Variants in FMN1 observed in about 807,000 individuals in gnomAD.
FMN1 encodes the protein formin 1.
In FMN1, 110 loss-of-function variants were observed where a neutral mutation model predicts 132.4. That is an observed-to-expected ratio of 0.83 (90% CI 0.71 to 0.97). FMN1 has a LOEUF of 0.97. Ranked by LOEUF, FMN1 falls within the 50% of genes least tolerant of loss-of-function variation. FMN1 has a pLI of 0.00. For missense variants in FMN1, 1,792 were observed against 1,705.3 expected (o/e 1.05, Z -0.90); for synonymous variants, 722 against 651.7 (o/e 1.11, Z -1.64).
chr15:33,115,680 T>C (rs2140147077), intron 4 of FMN1, among the ~76,000 whole-genome samples: 1 of 152,220 alleles, frequency 6.6e-6, no homozygotes, highest in South Asian at 2.1e-4. Flanking sequence ...AATTCTTGCC[T>C]GTTTCCTCTA....
intron 8 of FMN1, 28 bp downstream of exon 8, chr15:32,968,686 G>A: frequency 2.5e-6 from 4 of 1,611,028 alleles, no homozygotes; most frequent in South Asian, 1.1e-5. Flanking sequence ...GAATTCACAT[G>A]CTGAGAATGG....
intron 5 of FMN1, among the ~76,000 whole-genome samples, chr15:33,081,460 T>C (rs1028401796): frequency 2.0e-5 from 3 of 152,200 alleles, no homozygotes; most frequent in African/African-American, 7.2e-5. Context: ...GGTGCATGCC[T>C]GAGGAATCTA....
At chr15:33,060,843 G>A (rs1237770212) in intron 6 of FMN1, among the ~76,000 whole-genome samples, 1 of 152,202 alleles carries the variant, frequency 6.6e-6, no homozygotes, top group Non-Finnish European at 1.5e-5. Context: ...TTCAGTCACT[G>A]ACAGTTCCCT....
chr15:33,182,445 C>G (rs2140344067), intron 2 of FMN1, among the ~76,000 whole-genome samples: 1 of 152,322 alleles, frequency 6.6e-6, no homozygotes, highest in East Asian at 1.9e-4. Context: ...ACTAATCGCC[C>G]TCAACCTGCC....
chr15:32,899,051 C>T (rs1230767358), intron 14 of FMN1, among the ~76,000 whole-genome samples, 158 bp from the exon 15 acceptor site: 8 of 152,166 alleles, frequency 5.3e-5, no homozygotes, highest in African/African-American at 1.9e-4. Flanking sequence ...TTATCCCATC[C>T]ATTTATTATG....
chr15:33,123,593 A>G (rs1050595715), intron 4 of FMN1, among the ~76,000 whole-genome samples: 2 of 152,176 alleles, frequency 1.3e-5, no homozygotes, highest in African/African-American at 4.8e-5. Context: ...AACATATGGT[A>G]TGGGGGTACA....
At chr15:32,864,235 G>T (rs941966195) in intron 16 of FMN1, among the ~76,000 whole-genome samples, 4 of 152,184 alleles carry the variant, frequency 2.6e-5, no homozygotes, top group Admixed American at 2.0e-4. Flanking sequence ...GAGGTCTGAT[G>T]CTACACAGCA....
intron 17 of FMN1, among the ~76,000 whole-genome samples, chr15:32,809,325 T>C (rs2057791779): frequency 6.6e-6 from 1 of 152,210 alleles, no homozygotes; most frequent in Non-Finnish European, 1.5e-5. Flanking sequence ...GTTCCCCTCA[T>C]TGCACAGTAA....
At chr15:32,831,674 A>C (rs899921642) in intron 17 of FMN1, among the ~76,000 whole-genome samples, 2 of 152,068 alleles carry the variant, frequency 1.3e-5, no homozygotes, top group Non-Finnish European at 2.9e-5. Context: ...TAGACTAGAG[A>C]CTATGAAGAT....
At chr15:32,903,392 CAG>C (rs1193048717) in intron 12 of FMN1, among the ~76,000 whole-genome samples, 7 of 152,126 alleles carry the variant, frequency 4.6e-5, no homozygotes, top group Non-Finnish European at 2.9e-5. Context: ...TGACTGAAAT[CAG>C]GGGTATCATC....
intron 9 of FMN1, among the ~76,000 whole-genome samples, chr15:32,962,870 T>C (rs947849626): frequency 6.0e-5 from 9 of 150,184 alleles, no homozygotes; most frequent in African/African-American, 2.2e-4. Flanking sequence ...TGTGGAGAAA[T>C]AGGAACACTT....
At chr15:32,847,522 C>T (rs931676425) in intron 17 of FMN1, among the ~76,000 whole-genome samples, 1 of 151,104 alleles carries the variant, frequency 6.6e-6, no homozygotes, top group African/African-American at 2.4e-5. Flanking sequence ...CACTTGAGGT[C>T]AGGAGTTCCA....
Position 32,804,437 on chromosome 15 carries a change from CGGGGGGGG to C in FMN1, c.3929-113_3929-106del, listed in dbSNP as rs57088967. 6.6e-4 allele frequency: 16 copies of C among 24,208 alleles called. 1 individual carries two copies. Among genetic ancestry groups the C allele is most frequent in the Non-Finnish European group, 7.8e-4 (11 of 14,162 alleles). The allele number at this position is 24,208 out of a possible 1,614,324, so 1.5% of individuals were successfully genotyped here. A position where few individuals can be genotyped will look rare whatever the true frequency, so the allele number is the denominator to read the frequency against. ...TTCATTACCACAGGAGGTCTGAATT[CGGGGGGGG>C]GGGGGGGGGGTAGCCTGTAACACAT... On this transcript the variant is annotated intron_variant, in intron 17 of 20. Coordinates refer to ENST00000616417, the MANE Select transcript of FMN1 (RefSeq NM_001277313.2).
intron 9 of FMN1, among the ~76,000 whole-genome samples, chr15:32,954,102 C>T (rs1325469854): frequency 6.6e-6 from 1 of 152,162 alleles, no homozygotes; most frequent in African/African-American, 2.4e-5. Flanking sequence ...TAGTTACCTT[C>T]AAGACGAGAT....
At chr15:33,007,094 G>C (rs1246168005) in intron 7 of FMN1, among the ~76,000 whole-genome samples, 2 of 152,118 alleles carry the variant, frequency 1.3e-5, no homozygotes, top group Non-Finnish European at 2.9e-5. Context: ...GTGAGGCAAT[G>C]TATGTGAGAC....
chr15:32,800,379 T>G (rs1416674187), intron 18 of FMN1, among the ~76,000 whole-genome samples: 1 of 152,202 alleles, frequency 6.6e-6, no homozygotes, highest in African/African-American at 2.4e-5. Flanking sequence ...ACATACATAA[T>G]GTTGAGAAAA....
chr15:33,127,627 T>C (rs1192133799), intron 4 of FMN1, among the ~76,000 whole-genome samples: 2 of 138,580 alleles, frequency 1.4e-5, no homozygotes, highest in African/African-American at 2.5e-5. Flanking sequence ...AACACAAGTA[T>C]TTTCCAATCA....
At position 32,768,289 on chromosome 15, in the gene FMN1, C is replaced by G. The variant is rs548275454; in HGVS notation, c.*6021G>C. 6.6e-6 allele frequency: 1 copy of G among 152,100 alleles called. No individual in the cohort carries two copies. The highest frequency in any genetic ancestry group is 1.9e-4 in the East Asian group (1 of 5,198). The allele number at this position is 152,100 out of a possible 1,614,324, so 9.4% of individuals were successfully genotyped here. A position where few individuals can be genotyped will look rare whatever the true frequency, so the allele number is the denominator to read the frequency against. On this transcript the variant is annotated 3_prime_UTR_variant, in exon 21 of 21. Coordinates refer to ENST00000616417, the MANE Select transcript of FMN1 (RefSeq NM_001277313.2). ...GGGAAAGACAGATCTGGAAAGCGAA[C>G]CCAGTTAACAGTCAAAAACACATTC...
chr15:32,858,878 G>C (rs1472703473), intron 16 of FMN1, among the ~76,000 whole-genome samples: 3 of 152,040 alleles, frequency 2.0e-5, no homozygotes, highest in Admixed American at 1.3e-4. Flanking sequence ...TTTTGAAATA[G>C]ATGGATCTGT....
Sources: allele counts gnomAD v4.1 joint callset (sites outside exome capture counted in the v4.1 genomes callset), GRCh38; gene constraint gnomAD v4.1.1; transcripts MANE v1.5; gene names NCBI Gene and HGNC (gene_info 2026-07-23, HGNC 2026-07-21).